Variants in ZCWPW2 observed in about 807,000 individuals in gnomAD.
ZCWPW2 encodes the protein zinc finger CW-type and PWWP domain containing 2, also known as zinc finger CW-type PWWP domain protein 2.
A neutral mutation model predicts 46.6 loss-of-function variants in ZCWPW2; 45 were observed. The observed-to-expected ratio is 0.96, with a 90% confidence interval of 0.76 to 1.24. The LOEUF (loss-of-function observed/expected upper bound fraction) is 1.24. Ranked by LOEUF, ZCWPW2 falls within the 50% of genes most tolerant of loss-of-function variation. ZCWPW2 has a pLI of 0.00. For missense variants in ZCWPW2, 429 were observed against 403.9 expected (o/e 1.06, Z -0.53); for synonymous variants, 152 against 137.1 (o/e 1.11, Z -0.76).
Position 28,348,941 on chromosome 3 carries a change from C to G in ZCWPW2, c.-396C>G. The stretch of plus-strand genomic sequence containing the variant: ...CAGCACGGGCCGGAGGGAGGGGAAG[C>G]ACTCCGGAAAGTGATTGGAAGTGTG... On this transcript the variant is annotated 5_prime_UTR_variant, in exon 1 of 10. Coordinates refer to ENST00000383768, the MANE Select transcript of ZCWPW2 (RefSeq NM_001040432.4). 4.1e-6 allele frequency: 4 copies of G among 985,230 alleles called. No homozygotes were observed. The highest frequency in any genetic ancestry group is 4.8e-6 in the Non-Finnish European group (4 of 829,738). The allele number at this position is 985,230 out of a possible 1,614,324, so 61.0% of individuals were successfully genotyped here.
At position 28,349,190 on chromosome 3, in the gene ZCWPW2, C is replaced by G. The variant is rs979621947; in HGVS notation, c.-147C>G. ...GCCGCGGGACGCCAGGAGGCGGAGG[C>G]GGAGTGGAGTTAGGTAAGAGCGTTA... On this transcript the variant is annotated 5_prime_UTR_variant, in exon 1 of 10. Coordinates refer to ENST00000383768, the MANE Select transcript of ZCWPW2 (RefSeq NM_001040432.4). The G allele has an allele frequency of 1.0e-6, 1 of 985,666 alleles. No homozygotes were observed. 61.1% of individuals were successfully genotyped at this position (985,666 alleles called of 1,614,324 possible).
At chr3:28,372,968 C>T (rs891307672) in intron 1 of ZCWPW2, among the ~76,000 whole-genome samples, 74 of 152,114 alleles carry the variant, frequency 4.9e-4, no homozygotes, top group African/African-American at 1.7e-3. Context: ...TTTTTTCTGG[C>T]TGCATAATAT....
intron 1 of ZCWPW2, among the ~76,000 whole-genome samples, chr3:28,366,772 C>T (rs926044304): frequency 1.2e-4 from 18 of 152,144 alleles, no homozygotes; most frequent in Non-Finnish European, 2.5e-4. Context: ...CCATCTGGTC[C>T]TGGACTTTTT....
At chr3:28,349,818 G>A (rs1481258760) in intron 1 of ZCWPW2, among the ~76,000 whole-genome samples, 2 of 152,178 alleles carry the variant, frequency 1.3e-5, no homozygotes, top group African/African-American at 4.8e-5. Context: ...CCTTAAAGTA[G>A]TATTTTGTCA....
chr3:28,470,510 A>AGAAG lies in ZCWPW2; in HGVS notation c.493-8304_493-8303insGAAG, dbSNP rs533380409. On this transcript the variant is annotated intron_variant, in intron 4 of 9. Transcript: ENST00000383768. ...TCCGTCTTAAAAAAAAAAAAAAAAA[A>AGAAG]AAGGAAGGAAATTTAAAAATTCATT... 2.5e-3 allele frequency among the ~76,000 whole-genome samples: 356 copies of AGAAG among 142,580 alleles called. 1 individual carries two copies. The highest frequency in any genetic ancestry group is 9.2e-3 in the African/African-American group (326 of 35,538). 93.5% of individuals were successfully genotyped at this position (142,580 alleles called of 152,430 possible). A position where few individuals can be genotyped will look rare whatever the true frequency, so the allele number is the denominator to read the frequency against.
At chr3:28,412,460 G>A (rs1328652006) in intron 2 of ZCWPW2, among the ~76,000 whole-genome samples, 1 of 151,984 alleles carries the variant, frequency 6.6e-6, no homozygotes, top group South Asian at 2.1e-4. Context: ...GGTTCATTTA[G>A]TCATGCAATA....
intron 1 of ZCWPW2, among the ~76,000 whole-genome samples, chr3:28,372,407 A>G (rs1705365826): frequency 6.6e-6 from 1 of 152,212 alleles, no homozygotes; most frequent in Non-Finnish European, 1.5e-5. Flanking sequence ...AACAGCCCAA[A>G]TATCTAAAGA....
intron 6 of ZCWPW2, chr3:28,511,134 G>A (rs1370709637): frequency 2.2e-6 from 1 of 444,694 alleles, no homozygotes; most frequent in Non-Finnish European, 4.5e-6. Context: ...AGAGGTAAAT[G>A]TATGACAATC....
intron 1 of ZCWPW2, among the ~76,000 whole-genome samples, chr3:28,372,956 C>T (rs1270868056): frequency 6.6e-6 from 1 of 152,132 alleles, no homozygotes; most frequent in Non-Finnish European, 1.5e-5. Context: ...TGATTGCATT[C>T]ATTTTTTCTG....
intron 4 of ZCWPW2, among the ~76,000 whole-genome samples, chr3:28,473,872 G>A (rs1465568353): frequency 6.6e-6 from 1 of 152,128 alleles, no homozygotes; most frequent in African/African-American, 2.4e-5. Flanking sequence ...TTAACGGGCT[G>A]GGAAGGTTAA....
intron 1 of ZCWPW2, among the ~76,000 whole-genome samples, chr3:28,375,750 T>G (rs1404772926): frequency 1.3e-5 from 2 of 151,700 alleles, no homozygotes; most frequent in African/African-American, 4.8e-5. Flanking sequence ...TTTTTTTTTT[T>G]TGTGCTCATT....
At chr3:28,412,281 C>T (rs1458772680) in intron 2 of ZCWPW2, among the ~76,000 whole-genome samples, 2 of 151,316 alleles carry the variant, frequency 1.3e-5, no homozygotes, top group Non-Finnish European at 3.0e-5. Context: ...TTACACAATT[C>T]AAACTTTTTA....
chr3:28,375,166 T>TTTTG (rs780348866), intron 1 of ZCWPW2, among the ~76,000 whole-genome samples: 1 of 151,976 alleles, frequency 6.6e-6, no homozygotes, highest in Non-Finnish European at 1.5e-5. Flanking sequence ...TTTTTTAGTT[T>TTTTG]TTTGTTTGTT....
intron 1 of ZCWPW2, among the ~76,000 whole-genome samples, chr3:28,360,349 C>CAAA (rs71087692): frequency 4.1e-4 from 22 of 53,902 alleles, no homozygotes; most frequent in East Asian, 2.0e-3. Context: ...ACTAAAAATA[C>CAAA]AAAAAAAAAA....
intron 4 of ZCWPW2, among the ~76,000 whole-genome samples, chr3:28,445,801 A>C (rs948195246): frequency 6.6e-6 from 1 of 152,160 alleles, no homozygotes; most frequent in African/African-American, 2.4e-5. Flanking sequence ...GATTCACTTT[A>C]GATCCAAAGA....
At chr3:28,427,099 C>G (rs546816826) in intron 3 of ZCWPW2, among the ~76,000 whole-genome samples, 2 of 152,270 alleles carry the variant, frequency 1.3e-5, no homozygotes, top group African/African-American at 2.4e-5. Flanking sequence ...CCCACAGATT[C>G]CAAAATTGAT....
At chr3:28,361,530 C>G (rs1704944261) in intron 1 of ZCWPW2, among the ~76,000 whole-genome samples, 1 of 151,834 alleles carries the variant, frequency 6.6e-6, no homozygotes, top group African/African-American at 2.4e-5. Flanking sequence ...CAAAAATAAA[C>G]AAGTGGGACT....
At chr3:28,513,557 C>A (rs956194683) in intron 6 of ZCWPW2, among the ~76,000 whole-genome samples, 9 of 152,112 alleles carry the variant, frequency 5.9e-5, no homozygotes, top group Non-Finnish European at 2.9e-5. Context: ...ATTAGCACAG[C>A]TCTCTAACCA....
Position 28,524,547 on chromosome 3 carries a change from A to G in ZCWPW2, c.930A>G (p.Glu310=), listed in dbSNP as rs142286195. 9.7e-4 allele frequency: 1,548 copies of G among 1,603,564 alleles called. No homozygotes were observed. Among genetic ancestry groups the G allele is most frequent in the Non-Finnish European group, 1.2e-3 (1,466 of 1,176,210 alleles). The change falls in exon 10 of 10, where the codon GAA becomes GAG. Residue 310 remains glutamate, a synonymous_variant. Transcript: ENST00000383768. ...TGCAGTTATCTAAATGCAGCCCAGA[A>G]GCTCCTGCAGGCAGTCTGTTTGAAA... ...MGEKLSKCSP[E]APAGSLFENH...
Sources: gnomAD v4.1 joint callset for allele counts (sites outside exome capture counted in the v4.1 genomes callset) on GRCh38, gnomAD v4.1.1 for gene constraint, MANE v1.5 for transcripts, NCBI Gene and HGNC (gene_info 2026-07-23, HGNC 2026-07-21) for gene names.